TBC1D12: variants seen among roughly 807,000 people sequenced by gnomAD.
TBC1D12 encodes the protein TBC1 domain family, member 12.
TBC1D12 carries 56 observed loss-of-function variants against 86.7 expected under a neutral mutation model. That is an observed-to-expected ratio of 0.65 (90% CI 0.52 to 0.81). The LOEUF is 0.81. Among genes scored for constraint, TBC1D12 ranks in the 30% least tolerant of loss-of-function variants. The pLI is 0.00. For synonymous variants in TBC1D12, 421 were observed against 411.7 expected (o/e 1.02, Z -0.27); for missense variants, 1,023 against 1,038.8 (o/e 0.98, Z 0.21).
intron 9 of TBC1D12, among the ~76,000 whole-genome samples, chr10:94,518,576 G>T (rs1842062836): frequency 6.6e-6 from 1 of 152,114 alleles, no homozygotes; most frequent in African/African-American, 2.4e-5. Flanking sequence ...TTAGATTCAG[G>T]TTAGACAGTT....
At chr10:94,403,896 G>A (rs966682104) in intron 1 of TBC1D12, among the ~76,000 whole-genome samples, 6 of 152,074 alleles carry the variant, frequency 3.9e-5, no homozygotes, top group African/African-American at 1.5e-4. Flanking sequence ...CAGCTGTCTA[G>A]TGCCACATAT....
Position 94,468,850 on chromosome 10 carries a change from C to G in TBC1D12, c.1096-5818C>G, listed in dbSNP as rs140553990. 9.9e-5 allele frequency among the ~76,000 whole-genome samples: 15 copies of G among 152,154 alleles called. No individual in the cohort carries two copies. In the East Asian group the frequency reaches 2.9e-3, roughly 29 times the overall value. ...TGCTTATATTTCTTCAATTTTTTTC[C>G]CTTTCTTTGCTTAATTTTGGATAGT... On this transcript the variant is annotated intron_variant, in intron 2 of 12. Transcript: ENST00000225235.
chr10:94,512,083 C>A (rs912466), intron 9 of TBC1D12, among the ~76,000 whole-genome samples: 63,541 of 151,950 alleles, frequency 0.42, 13,637 homozygotes, highest in East Asian at 0.7. Context: ...TTTTAGCTCT[C>A]TTTCTCCATT....
chr10:94,505,618 A>C (rs540571930), intron 6 of TBC1D12, among the ~76,000 whole-genome samples: 1 of 151,324 alleles, frequency 6.6e-6, no homozygotes, highest in South Asian at 2.1e-4. Flanking sequence ...TTTTTTTTTT[A>C]ATTTCTTCTT....
At chr10:94,506,615 C>T (rs1232330807) in intron 6 of TBC1D12, among the ~76,000 whole-genome samples, 3 of 151,822 alleles carry the variant, frequency 2.0e-5, no homozygotes, top group Non-Finnish European at 4.4e-5. Flanking sequence ...TTTATGAGAC[C>T]CTGCATATGG....
In TBC1D12 at chr10:94,402,606, A is replaced by G; in HGVS notation, c.-8A>G. The G allele has an allele frequency of 6.2e-7, 1 of 1,610,486 alleles. No homozygotes were observed. Among genetic ancestry groups the G allele is most frequent in the Non-Finnish European group, 8.5e-7 (1 of 1,178,912 alleles). On this transcript the variant is annotated 5_prime_UTR_variant, in exon 1 of 13. Transcript: ENST00000225235. ...TTGCCTCCTGGGGCGGCCGCCACCC[A>G]CCCCCAGATGGTGGGTCCGGAGGAT...
chr10:94,450,714 A>G lies in TBC1D12; in HGVS notation c.1095+8695A>G, dbSNP rs78935243. On this transcript the variant is annotated intron_variant, in intron 2 of 12. Coordinates refer to ENST00000225235, the MANE Select transcript of TBC1D12 (RefSeq NM_015188.2). The stretch of plus-strand genomic sequence containing the variant: ...ATATCAAGGAGACATATGCAACCCC[A>G]TGTTTATTGCAGAACTATTCACAAT... 2.8e-3 allele frequency among the ~76,000 whole-genome samples: 421 copies of G among 152,220 alleles called. 10 individuals carry two copies. In the East Asian group the frequency reaches 0.06, roughly 22 times the overall value.
chr10:94,402,706 G>A lies in TBC1D12; in HGVS notation c.93G>A (p.Lys31=), dbSNP rs371213453. 1.1e-5 allele frequency: 17 copies of A among 1,590,916 alleles called. No individual in the cohort carries two copies. The African/African-American group carries it at 2.2e-4, about 20-fold the overall frequency. The stretch of plus-strand genomic sequence containing the variant: ...CGGACCCCGTGGGCCAGGACAGGAA[G>A]GTAATCCGGGCCACGGGCGGCTTTG... ...PAPDPVGQDR[K]VIRATGGFGG... The change falls in exon 1 of 13, where the codon AAG becomes AAA. Residue 31 remains lysine (K), a synonymous_variant. Transcript: ENST00000225235.
chr10:94,515,611 A>G (rs564034626), intron 9 of TBC1D12, among the ~76,000 whole-genome samples: 1 of 152,052 alleles, frequency 6.6e-6, no homozygotes, highest in African/African-American at 2.4e-5. Context: ...GGCCTCCCAA[A>G]GTGCTGGGAT....
chr10:94,525,602 G>A (rs1842266377), intron 11 of TBC1D12, among the ~76,000 whole-genome samples: 1 of 148,172 alleles, frequency 6.7e-6, no homozygotes, highest in Non-Finnish European at 1.5e-5. Flanking sequence ...CAAGGTTGCA[G>A]TGAGCCGGGA....
intron 1 of TBC1D12, among the ~76,000 whole-genome samples, chr10:94,416,775 A>T (rs1340528858): frequency 6.6e-6 from 1 of 152,192 alleles, no homozygotes; most frequent in African/African-American, 2.4e-5. Flanking sequence ...GGAAGTTAGG[A>T]ACTTTACAGT....
intron 2 of TBC1D12, among the ~76,000 whole-genome samples, chr10:94,456,605 G>A (rs2055630254): frequency 6.6e-6 from 1 of 152,182 alleles, no homozygotes; most frequent in South Asian, 2.1e-4. Context: ...CTGTATTGGT[G>A]AATGTTCCAT....
At chr10:94,425,605 A>C (rs1203666507) in intron 1 of TBC1D12, among the ~76,000 whole-genome samples, 1 of 152,178 alleles carries the variant, frequency 6.6e-6, no homozygotes, top group African/African-American at 2.4e-5. Flanking sequence ...TTTGTTCTAC[A>C]ACTCAACCAA....
intron 1 of TBC1D12, among the ~76,000 whole-genome samples, chr10:94,423,176 C>T (rs999886807): frequency 3.3e-5 from 5 of 152,132 alleles, no homozygotes; most frequent in Middle Eastern, 3.4e-3. Context: ...ATAAACTATA[C>T]CTGGATCACA....
At chr10:94,439,407 C>G (rs918121552) in intron 1 of TBC1D12, among the ~76,000 whole-genome samples, 1 of 152,140 alleles carries the variant, frequency 6.6e-6, no homozygotes, top group African/African-American at 2.4e-5. Context: ...TGAGAACTGT[C>G]TGGCCTGTGT....
At chr10:94,465,680 G>A (rs1230142508) in intron 2 of TBC1D12, among the ~76,000 whole-genome samples, 18 of 129,356 alleles carry the variant, frequency 1.4e-4, no homozygotes, top group African/African-American at 4.2e-4. Context: ...ATGTGTGTGT[G>A]TGTGTGTGTG....
chr10:94,484,251 T>G (rs1246895287), intron 3 of TBC1D12, among the ~76,000 whole-genome samples: 1 of 3,476 alleles, frequency 2.9e-4, no homozygotes, highest in South Asian at 0.011. Flanking sequence ...TTCTTTTGTT[T>G]TTTTTTTTTT....
intron 3 of TBC1D12, among the ~76,000 whole-genome samples, chr10:94,483,074 G>A (rs1589648586): frequency 1.7e-5 from 2 of 117,410 alleles, no homozygotes; most frequent in African/African-American, 3.5e-5. Flanking sequence ...GAGTCTCACT[G>A]TGTCTTCCAG....
intron 2 of TBC1D12, among the ~76,000 whole-genome samples, chr10:94,457,981 C>T (rs2055653708): frequency 6.6e-6 from 1 of 152,122 alleles, no homozygotes; most frequent in Non-Finnish European, 1.5e-5. Flanking sequence ...ATTCGTTTTA[C>T]TCACATATGA....
Sources: allele counts gnomAD v4.1 joint callset (sites outside exome capture counted in the v4.1 genomes callset), GRCh38; gene constraint gnomAD v4.1.1; transcripts MANE v1.5; gene names NCBI Gene and HGNC (gene_info 2026-07-23, HGNC 2026-07-21).